Variants in COBLL1 observed in about 807,000 individuals in gnomAD.
COBLL1 encodes cordon-bleu protein-like 1.
In COBLL1, 50 loss-of-function variants were observed where a neutral mutation model predicts 94.8. The observed-to-expected ratio is 0.53, with a 90% CI of 0.42 to 0.67. The LOEUF (loss-of-function observed/expected upper bound fraction) is 0.67, where lower values mean the gene tolerates loss of function less well. COBLL1 is among the 30% of genes least tolerant of loss of function. The pLI, the probability that COBLL1 is intolerant of heterozygous loss-of-function variation, is 0.00. For missense variants in COBLL1, 1,362 were observed against 1,348.7 expected (o/e 1.01, Z -0.15); for synonymous variants, 448 against 473.8 (o/e 0.95, Z 0.71).
At chr2:164,813,324 C>G (rs1331669039) in intron 2 of COBLL1, among the ~76,000 whole-genome samples, 1 of 152,004 alleles carries the variant, frequency 6.6e-6, no homozygotes, top group African/African-American at 2.4e-5. Flanking sequence ...ACCATGTACC[C>G]CTTGAAAGAC....
intron 2 of COBLL1, among the ~76,000 whole-genome samples, chr2:164,664,139 G>A (rs1318697763): frequency 6.6e-6 from 1 of 152,156 alleles, no homozygotes; most frequent in Non-Finnish European, 1.5e-5. Context: ...TTTGCTTCCT[G>A]TTCTATCCCA....
chr2:164,692,243 T>C lies in COBLL1; in HGVS notation c.3278A>G (p.Glu1093Gly), dbSNP rs1271704123. 3 of 1,605,532 alleles carry C rather than the reference T, an allele frequency of 1.9e-6. No homozygotes were observed. Among genetic ancestry groups the C allele is most frequent in the African/African-American group, 1.3e-5 (1 of 74,406 alleles). Residue 1093 changes from glutamate to glycine, a missense_variant, in exon 13 of 14, where the codon GAG becomes GGG. Transcript: ENST00000652658. ...QSLLTAIRSG[E>G]AAAKLKRVTI... is the part of the protein sequence containing the mutation. Reference sequence around the variant, plus strand: ...TACCCTTTTCAATTTGGCAGCAGCCTCTCCCGAACGGATTGCAGTCAGCAA... The same window carrying C: ...TACCCTTTTCAATTTGGCAGCAGCCCCTCCCGAACGGATTGCAGTCAGCAA...
At chr2:164,773,724 T>C in intron 2 of COBLL1, 1 of 1,291,714 alleles carries the variant, frequency 7.7e-7, no homozygotes, top group Admixed American at 2.4e-5. Flanking sequence ...CCAGAAAGTC[T>C]CCATAAAACA....
intron 3 of COBLL1, 115 bp from the exon 4 acceptor site, chr2:164,730,230 T>C (rs1161574999): frequency 1.1e-5 from 10 of 916,756 alleles, no homozygotes; most frequent in Non-Finnish European, 1.7e-5. Flanking sequence ...AGCTTAAATA[T>C]TGAACTACAG....
chr2:164,750,823 CCT>C (rs1452531033), intron 2 of COBLL1, among the ~76,000 whole-genome samples: 3 of 152,132 alleles, frequency 2.0e-5, no homozygotes, highest in African/African-American at 4.8e-5. Flanking sequence ...CTGCCGCACC[CCT>C]GAGACAGACA....
chr2:164,807,346 G>A (rs147472365), intron 2 of COBLL1, among the ~76,000 whole-genome samples: 1 of 151,778 alleles, frequency 6.6e-6, no homozygotes, highest in Non-Finnish European at 1.5e-5. Flanking sequence ...GCTGAGGCAG[G>A]AGAATCACTT....
intron 7 of COBLL1, chr2:164,718,287 A>G: frequency 1.0e-6 from 1 of 981,062 alleles, no homozygotes; most frequent in South Asian, 4.7e-5. Flanking sequence ...CAATGCTGCA[A>G]GCATTAAGCC....
Position 164,694,709 on chromosome 2 carries a change from C to A in COBLL1, c.2683G>T (p.Ala895Ser), listed in dbSNP as rs149235808. 7 of 1,613,566 alleles carry A rather than the reference C, an allele frequency of 4.3e-6. No homozygotes were observed. In the African/African-American group the frequency reaches 9.4e-5, roughly 22 times the overall value. The part of the protein sequence containing the change: ...AKSVHAAPNP[A>S]PKELTNKEAE... ...TCTTTATTTGTCAGTTCTTTTGGAG[C>A]AGGATTAGGGGCAGCATGGACACTC... The change falls in exon 12 of 14, where the codon GCT (alanine) becomes TCT (serine). Residue 895 changes from alanine to serine, a missense_variant. Physicochemically the swap from Ala to Ser is moderately conservative, Grantham distance 99. Transcript: ENST00000652658.
intron 2 of COBLL1, among the ~76,000 whole-genome samples, chr2:164,783,784 T>C (rs964199007): frequency 3.3e-5 from 5 of 151,848 alleles, no homozygotes; most frequent in African/African-American, 7.3e-5. Context: ...CTGGGCAACA[T>C]AGCGAGATCC....
chr2:164,792,905 C>T (rs1297890833), intron 2 of COBLL1, among the ~76,000 whole-genome samples: 3 of 152,108 alleles, frequency 2.0e-5, no homozygotes, highest in Non-Finnish European at 4.4e-5. Flanking sequence ...CCATAATATC[C>T]TGGAATGTCT....
intron 2 of COBLL1, among the ~76,000 whole-genome samples, chr2:164,838,643 T>C (rs1397074444): frequency 6.6e-6 from 1 of 152,202 alleles, no homozygotes. Context: ...GTTTCTGAGC[T>C]TCAGATTCTC....
In COBLL1 at chr2:164,694,431, C is replaced by T. The variant is rs778950826; in HGVS notation, c.2961G>A (p.Pro987=). Residue 987 remains proline (P), a synonymous_variant, in exon 12 of 14, where the codon CCG becomes CCA. Coordinates refer to ENST00000652658, the MANE Select transcript of COBLL1 (RefSeq NM_001365672.2). The stretch of plus-strand genomic sequence containing the variant: ...ACCTTTTCACTACAGCAAGAGCAAA[C>T]GGTGAAGGACCAGAACTTGAGTATG... ...PRPYSSSGPS[P]FALAVVKRSQ... is the part of the protein sequence containing the mutation. 2.3e-5 allele frequency: 37 copies of T among 1,613,852 alleles called. No individual in the cohort carries two copies. Among genetic ancestry groups the T allele is most frequent in the Middle Eastern group, 1.7e-4 (1 of 6,060 alleles).
At chr2:164,834,422 C>T (rs1337897514) in intron 2 of COBLL1, among the ~76,000 whole-genome samples, 1 of 152,158 alleles carries the variant, frequency 6.6e-6, no homozygotes, top group African/African-American at 2.4e-5. Flanking sequence ...CTAGTCTTTA[C>T]TTGAAAAAGG....
chr2:164,819,615 T>C (rs950505149), intron 2 of COBLL1, among the ~76,000 whole-genome samples: 1 of 152,060 alleles, frequency 6.6e-6, no homozygotes, highest in Non-Finnish European at 1.5e-5. Flanking sequence ...AAACATAAAG[T>C]GAATTTCAGG....
chr2:164,737,721 G>C (rs1686382170), intron 3 of COBLL1, among the ~76,000 whole-genome samples: 1 of 152,000 alleles, frequency 6.6e-6, no homozygotes, highest in African/African-American at 2.4e-5. Flanking sequence ...TGTTACTCTC[G>C]TTTTTTCAGC....
chr2:164,764,848 G>C (rs955138691), intron 2 of COBLL1, among the ~76,000 whole-genome samples: 1 of 152,124 alleles, frequency 6.6e-6, no homozygotes, highest in African/African-American at 2.4e-5. Flanking sequence ...TCATTATGAA[G>C]GCTGCTAAGG....
chr2:164,762,602 G>A (rs868041382), intron 2 of COBLL1, among the ~76,000 whole-genome samples: 4 of 151,926 alleles, frequency 2.6e-5, no homozygotes, highest in Non-Finnish European at 5.9e-5. Flanking sequence ...CCTGGTAAAA[G>A]CATCTGATCA....
intron 11 of COBLL1, 79 bp from the exon 12 acceptor site, chr2:164,695,915 C>T (rs1407790699): frequency 8.8e-7 from 1 of 1,138,546 alleles, no homozygotes; most frequent in Admixed American, 2.8e-5. Flanking sequence ...TTTCTCCAAC[C>T]TGAAATAGTT....
intron 7 of COBLL1, among the ~76,000 whole-genome samples, chr2:164,705,587 C>T (rs1178083031): frequency 6.6e-6 from 1 of 152,202 alleles, no homozygotes; most frequent in Non-Finnish European, 1.5e-5. Flanking sequence ...AGCTACTGCT[C>T]ACACTCCTAG....
Sources: gnomAD v4.1 joint callset for allele counts (sites outside exome capture counted in the v4.1 genomes callset) on GRCh38, gnomAD v4.1.1 for gene constraint, MANE v1.5 for transcripts, NCBI Gene and HGNC (gene_info 2026-07-23, HGNC 2026-07-21) for gene names.